Variants in PRKG1 observed in about 807,000 individuals in gnomAD.
PRKG1 encodes protein kinase cGMP-dependent 1.
A neutral mutation model predicts 88.1 loss-of-function variants in PRKG1; 35 were observed. The observed-to-expected ratio is 0.40, with a 90% confidence interval of 0.30 to 0.53. The LOEUF (loss-of-function observed/expected upper bound fraction) is 0.53, where lower values mean the gene tolerates loss of function less well. Ranked by LOEUF, PRKG1 falls within the 20% of genes least tolerant of loss-of-function variation. The probability of loss-of-function intolerance (pLI) is 0.59; values close to 1 mark genes in which losing one functional copy is unlikely to be tolerated. For missense variants in PRKG1, 540 were observed against 839.8 expected (o/e 0.64, Z 4.41); for synonymous variants, 303 against 292.5 (o/e 1.04, Z -0.37).
At chr10:51,988,777 G>A (rs115081825) in intron 5 of PRKG1, among the ~76,000 whole-genome samples, 2,441 of 151,870 alleles carry the variant, frequency 0.016, 52 homozygotes, top group Middle Eastern at 0.054. Flanking sequence ...TTATGGGTGT[G>A]GCACATCTTT....
chr10:50,999,104 T>A (rs979262478), intron 1 of PRKG1, among the ~76,000 whole-genome samples: 5 of 152,348 alleles, frequency 3.3e-5, no homozygotes, highest in Non-Finnish European at 5.9e-5. Flanking sequence ...CAATCAATAT[T>A]AAGTTTATAT....
At chr10:52,106,744 T>TAAA (rs1554804723) in intron 7 of PRKG1, among the ~76,000 whole-genome samples, 5 of 133,440 alleles carry the variant, frequency 3.7e-5, no homozygotes, top group African/African-American at 1.1e-4. Flanking sequence ...ATAATAATAA[T>TAAA]AATAAAGTAA....
chr10:51,678,226 G>C (rs1048591252), intron 3 of PRKG1, among the ~76,000 whole-genome samples: 1 of 152,094 alleles, frequency 6.6e-6, no homozygotes, highest in African/African-American at 2.4e-5. Flanking sequence ...ACACGCTGGG[G>C]CTCCCTACAA....
At chr10:51,262,825 T>G (rs1377629409) in intron 2 of PRKG1, among the ~76,000 whole-genome samples, 1 of 152,096 alleles carries the variant, frequency 6.6e-6, no homozygotes, top group Non-Finnish European at 1.5e-5. Flanking sequence ...GAAAACTCAC[T>G]CACAATCACT....
intron 2 of PRKG1, among the ~76,000 whole-genome samples, chr10:51,206,488 T>C (rs570529941): frequency 7.1e-6 from 1 of 140,842 alleles, no homozygotes. Context: ...CAAAACTCCA[T>C]CTAAAAAAAA....
chr10:52,204,073 G>GTTATTATTA lies in PRKG1; in HGVS notation c.1076+42137_1076+42145dup, dbSNP rs140296072. Among the ~76,000 whole-genome samples the GTTATTATTA allele has an allele frequency of 4.4e-3, 329 of 75,346 alleles. 2 individuals are homozygous for GTTATTATTA. The highest frequency in any genetic ancestry group is 7.0e-3 in the Middle Eastern group (1 of 142). 49.4% of individuals were successfully genotyped at this position (75,346 alleles called of 152,430 possible). A position where few individuals can be genotyped will look rare whatever the true frequency, so the allele number is the denominator to read the frequency against. ...GATCCTGTCACCATGTTGTTCGCTGGTTATTATTATTATTATTATTATTAT... is the reference window on the plus strand; with the variant it reads ...GATCCTGTCACCATGTTGTTCGCTGGTTATTATTATTATTATTATTATTATTATTATTAT... On this transcript the variant is annotated intron_variant, in intron 9 of 17. Coordinates refer to ENST00000373980, the MANE Select transcript of PRKG1 (RefSeq NM_006258.4).
intron 14 of PRKG1, among the ~76,000 whole-genome samples, chr10:52,285,461 T>A (rs1842097331): frequency 6.6e-6 from 1 of 152,114 alleles, no homozygotes; most frequent in African/African-American, 2.4e-5. Context: ...AAACTAATAG[T>A]GACTATGGCA....
chr10:51,766,505 A>T (rs1041395703), intron 3 of PRKG1, among the ~76,000 whole-genome samples: 2 of 152,098 alleles, frequency 1.3e-5, no homozygotes, highest in Admixed American at 6.6e-5. Flanking sequence ...ACACCATGCA[A>T]GTTTCCCTAT....
intron 4 of PRKG1, among the ~76,000 whole-genome samples, chr10:51,895,083 T>C (rs1296303007): frequency 1.3e-5 from 2 of 152,174 alleles, no homozygotes; most frequent in East Asian, 3.8e-4. Flanking sequence ...TTAAAAATTG[T>C]TATATTTGCT....
At chr10:51,180,133 T>A (rs989794115) in intron 2 of PRKG1, among the ~76,000 whole-genome samples, 1 of 152,186 alleles carries the variant, frequency 6.6e-6, no homozygotes, top group Admixed American at 6.5e-5. Flanking sequence ...GTGAGGACCT[T>A]CAAATATAAT....
intron 9 of PRKG1, among the ~76,000 whole-genome samples, chr10:52,165,392 C>A (rs1380423234): frequency 3.9e-5 from 6 of 152,092 alleles, no homozygotes; most frequent in African/African-American, 1.5e-4. Flanking sequence ...TTCCCCTTAA[C>A]TACTTTATAC....
At chr10:51,777,524 C>T (rs1299146449) in intron 3 of PRKG1, among the ~76,000 whole-genome samples, 1 of 152,064 alleles carries the variant, frequency 6.6e-6, no homozygotes, top group Non-Finnish European at 1.5e-5. Context: ...TTCCTGTATA[C>T]TCCCTTCCCC....
At chr10:51,409,870 A>G (rs1001929503) in intron 2 of PRKG1, among the ~76,000 whole-genome samples, 5 of 149,680 alleles carry the variant, frequency 3.3e-5, no homozygotes, top group East Asian at 1.9e-4. Flanking sequence ...AAAAAAAAAA[A>G]GGAGAGTAGT....
chr10:51,904,052 C>T (rs139379316), intron 4 of PRKG1, among the ~76,000 whole-genome samples: 56 of 152,170 alleles, frequency 3.7e-4, no homozygotes, highest in Middle Eastern at 3.4e-3. Flanking sequence ...AATTGTAAGT[C>T]GTTGCTACAT....
chr10:51,840,423 G>A lies in PRKG1; in HGVS notation c.698+35733G>A, dbSNP rs151185285. Reference sequence around the variant, plus strand: ...TGATACTTTTTACAGTCACGAATAGGCTTAACAACTGATATGGATCATGCA... The same window carrying A: ...TGATACTTTTTACAGTCACGAATAGACTTAACAACTGATATGGATCATGCA... On this transcript the variant is annotated intron_variant, in intron 4 of 17. Coordinates refer to ENST00000373980, the MANE Select transcript of PRKG1 (RefSeq NM_006258.4). 2.3e-3 allele frequency among the ~76,000 whole-genome samples: 352 copies of A among 152,116 alleles called. 1 individual carries two copies. The highest frequency in any genetic ancestry group is 8.2e-3 in the African/African-American group (342 of 41,508).
chr10:52,203,382 G>T (rs532323484), intron 9 of PRKG1, among the ~76,000 whole-genome samples: 1 of 152,212 alleles, frequency 6.6e-6, no homozygotes, highest in South Asian at 2.1e-4. Flanking sequence ...TGAGAGTGTG[G>T]TGGATATAAT....
chr10:52,047,901 C>T (rs1845901285), intron 5 of PRKG1, among the ~76,000 whole-genome samples: 1 of 152,004 alleles, frequency 6.6e-6, no homozygotes, highest in East Asian at 1.9e-4. Flanking sequence ...CAAACCATGA[C>T]CCAAGATCAT....
chr10:51,173,543 G>T (rs138095475), intron 2 of PRKG1, among the ~76,000 whole-genome samples: 112 of 151,896 alleles, frequency 7.4e-4, no homozygotes, highest in African/African-American at 2.2e-3. Context: ...TTATGCTCAA[G>T]AGATAATTTA....
intron 7 of PRKG1, among the ~76,000 whole-genome samples, chr10:52,074,885 A>C (rs1165050842): frequency 6.6e-6 from 1 of 152,182 alleles, no homozygotes; most frequent in Non-Finnish European, 1.5e-5. Context: ...TAAAAGGAGC[A>C]TTTGCAACTG....
Sources: gnomAD v4.1 joint callset for allele counts (sites outside exome capture counted in the v4.1 genomes callset) on GRCh38, gnomAD v4.1.1 for gene constraint, MANE v1.5 for transcripts, NCBI Gene and HGNC (gene_info 2026-07-23, HGNC 2026-07-21) for gene names.